Variants in CACNA1H observed in about 807,000 individuals in gnomAD.
CACNA1H encodes calcium voltage-gated channel subunit alpha1 H, also known as voltage-dependent T-type calcium channel subunit alpha-1H.
CACNA1H carries 149 observed loss-of-function variants against 192.5 expected under a neutral mutation model. The ratio of observed to expected loss-of-function variants is 0.77; its 90% CI spans 0.68 to 0.89. The LOEUF (loss-of-function observed/expected upper bound fraction) is 0.89. Among genes scored for constraint, CACNA1H ranks in the 40% least tolerant of loss-of-function variants. CACNA1H has a pLI of 0.00. For missense variants in CACNA1H, 4,257 were observed against 3,423.5 expected (o/e 1.24, Z -6.08); for synonymous variants, 2,202 against 1,475.2 (o/e 1.49, Z -11.29).
chr16:1,212,378 T>C (rs1314012539), intron 25 of CACNA1H, 133 bp from the exon 26 acceptor site: 2 of 1,047,798 alleles, frequency 1.9e-6, no homozygotes, highest in Non-Finnish European at 2.8e-6. Flanking sequence ...AAGAGGCAGG[T>C]TCCCCACCGA....
At chr16:1,191,080 G>T (rs1350088117) in intron 2 of CACNA1H, among the ~76,000 whole-genome samples, 1 of 126,924 alleles carries the variant, frequency 7.9e-6, no homozygotes, top group Non-Finnish European at 1.6e-5. Flanking sequence ...GGCACACTCG[G>T]GGTCTCTCTG....
At chr16:1,208,851 C>T (rs1969076867) in intron 16 of CACNA1H, among the ~76,000 whole-genome samples, 181 bp from the exon 17 acceptor site, 1 of 152,216 alleles carries the variant, frequency 6.6e-6, no homozygotes, top group African/African-American at 2.4e-5. Flanking sequence ...CCCTGACCCT[C>T]ATGAGCTACG....
chr16:1,163,169 G>A (rs1038746727), intron 2 of CACNA1H, among the ~76,000 whole-genome samples: 1 of 152,246 alleles, frequency 6.6e-6, no homozygotes, highest in Non-Finnish European at 1.5e-5. Flanking sequence ...TGGGTCCGGA[G>A]AGGCGACAGC....
At chr16:1,215,919 G>A (rs1969987606) in intron 30 of CACNA1H, among the ~76,000 whole-genome samples, 1 of 152,110 alleles carries the variant, frequency 6.6e-6, no homozygotes, top group African/African-American at 2.4e-5. Context: ...TGTGGGCACA[G>A]GAATACACCC....
chr16:1,200,152 C>T lies in CACNA1H; in HGVS notation c.804-104C>T, dbSNP rs575429135. On this transcript the variant is annotated intron_variant, in intron 6 of 34. Coordinates refer to ENST00000348261, the MANE Select transcript of CACNA1H (RefSeq NM_021098.3). Reference sequence around the variant, plus strand: ...TTAGTCCACTGGCCCTGACCCTGATCACGTCCCTGACCTTGATCACGTCCC... The same window carrying T: ...TTAGTCCACTGGCCCTGACCCTGATTACGTCCCTGACCTTGATCACGTCCC... 7 of 912,464 alleles carry T rather than the reference C, an allele frequency of 7.7e-6. No homozygotes were observed. In the Admixed American group the frequency reaches 8.9e-5, roughly 12 times the overall value. 56.5% of individuals were successfully genotyped at this position (912,464 alleles called of 1,614,324 possible).
At chr16:1,172,285 A>G (rs915739031) in intron 2 of CACNA1H, among the ~76,000 whole-genome samples, 18 of 152,072 alleles carry the variant, frequency 1.2e-4, no homozygotes, top group Non-Finnish European at 2.4e-4. Flanking sequence ...ACAGTGCATC[A>G]CCGCAGCCTT....
At chr16:1,200,669 G>C (rs752699192) in intron 7 of CACNA1H, 47 bp from the exon 8 acceptor site, 2 of 1,577,336 alleles carry the variant, frequency 1.3e-6, no homozygotes, top group East Asian at 4.6e-5. Context: ...GCACGGGGAG[G>C]AGGAGGAGGG....
Position 1,221,700 on chromosome 16 carries a change from G to T in CACNA1H, c.*706G>T. The T allele has an allele frequency of 2.4e-6, 3 of 1,276,586 alleles. No homozygotes were observed. Among genetic ancestry groups the T allele is most frequent in the South Asian group, 3.1e-5 (2 of 65,210 alleles). 79.1% of individuals were successfully genotyped at this position (1,276,586 alleles called of 1,614,324 possible). ...AGGTTAAATGTTGCAATAATCTGAT[G>T]CAGAAGACTCAGCTTCTCAAGGGAG... On this transcript the variant is annotated 3_prime_UTR_variant, in exon 35 of 35. Coordinates refer to ENST00000348261, the MANE Select transcript of CACNA1H (RefSeq NM_021098.3).
chr16:1,205,158 C>G lies in CACNA1H; in HGVS notation c.2496C>G (p.Phe832Leu), dbSNP rs759794879. Residue 832 changes from phenylalanine (F) to leucine (L), a missense_variant, in exon 11 of 35, where the codon TTC becomes TTG. Phe to Leu is a conservative substitution (Grantham distance 22). Coordinates refer to ENST00000348261, the MANE Select transcript of CACNA1H (RefSeq NM_021098.3). ...CTCTGGAGATCAGCAACATCGTGTT[C>G]ACCAGCATGTTTGCCCTGGAGATGC... ...TNALEISNIV[F>L]TSMFALEMLL... 1 of 1,613,010 alleles carries G rather than the reference C, an allele frequency of 6.2e-7. No individual in the cohort carries two copies. The highest frequency in any genetic ancestry group is 8.5e-7 in the Non-Finnish European group (1 of 1,179,794).
chr16:1,212,252 G>A lies in CACNA1H; in HGVS notation c.4759+114G>A, dbSNP rs1969539103. 14 of 1,409,574 alleles carry A rather than the reference G, an allele frequency of 9.9e-6. No individual in the cohort carries two copies. In the South Asian group the frequency reaches 1.4e-4, roughly 14 times the overall value. The allele number at this position is 1,409,574 out of a possible 1,614,324, so 87.3% of individuals were successfully genotyped here. ...CCCCGAATGGCTCTGCACGCCACCC[G>A]CCTTGCCTGGGCCTGCATGGGGGCT... On this transcript the variant is annotated intron_variant, in intron 25 of 34. Coordinates refer to ENST00000348261, the MANE Select transcript of CACNA1H (RefSeq NM_021098.3).
rs752605118 is a variant in CACNA1H at position 1,213,891 on chromosome 16, A to G, written c.4889A>G (p.Asn1630Ser). Residue 1630 changes from asparagine to serine, a missense_variant, in exon 27 of 35, where the codon AAC (asparagine) becomes AGC (serine). By Grantham distance (46) the Asn-to-Ser change is conservative. Transcript: ENST00000348261. ...TTCATCACCTTCATCATCTGTGTCA[A>G]CGTCATCACCATGTCCATGGAGCAC... ...DLFITFIICVNVITMSMEHYN... is the reference protein window; with the variant it reads ...DLFITFIICVSVITMSMEHYN... The G allele has an allele frequency of 2.5e-6, 4 of 1,612,024 alleles. No homozygotes were observed. In the Admixed American group the frequency reaches 5.0e-5, roughly 20 times the overall value.
chr16:1,198,441 C>A (rs567845603), intron 5 of CACNA1H, among the ~76,000 whole-genome samples, 174 bp from the exon 6 acceptor site: 1 of 152,026 alleles, frequency 6.6e-6, no homozygotes, highest in Non-Finnish European at 1.5e-5. Flanking sequence ...AGGGGAGTCC[C>A]GATCACACTA....
chr16:1,158,735 G>T (rs1189851613), intron 2 of CACNA1H, among the ~76,000 whole-genome samples: 1 of 152,160 alleles, frequency 6.6e-6, no homozygotes, highest in Non-Finnish European at 1.5e-5. Flanking sequence ...ATGTGACCTT[G>T]GTGCTCTTGG....
chr16:1,210,235 C>A (rs1246861949), intron 18 of CACNA1H, 100 bp downstream of exon 18: 3 of 1,262,308 alleles, frequency 2.4e-6, no homozygotes, highest in African/African-American at 1.5e-5. Flanking sequence ...GTGGATATTT[C>A]CGAGTGGGCA....
At chr16:1,189,780 G>A (rs548650381) in intron 2 of CACNA1H, among the ~76,000 whole-genome samples, 2 of 152,200 alleles carry the variant, frequency 1.3e-5, no homozygotes, top group South Asian at 4.1e-4. Context: ...TGTGCCTGAG[G>A]AGTATTTCAA....
intron 21 of CACNA1H, 93 bp downstream of exon 21, chr16:1,211,064 G>A (rs111698878): frequency 2.5e-5 from 39 of 1,554,094 alleles, no homozygotes; most frequent in African/African-American, 1.5e-4. Flanking sequence ...TGGGCTGTTC[G>A]CAGGCCGCCC....
intron 9 of CACNA1H, among the ~76,000 whole-genome samples, 163 bp downstream of exon 9, chr16:1,202,615 A>G (rs1310918572): frequency 6.6e-6 from 1 of 152,106 alleles, no homozygotes; most frequent in African/African-American, 2.4e-5. Context: ...AGAAGGGGAA[A>G]GAGGCAGGTC....
At chr16:1,207,565 G>A (rs1968888981) in intron 14 of CACNA1H, 135 bp downstream of exon 14, 1 of 1,107,612 alleles carries the variant, frequency 9.0e-7, no homozygotes, top group African/African-American at 1.5e-5. Flanking sequence ...CATGAGGAGA[G>A]GGGAGGCCAG....
rs1963965572 is a variant in CACNA1H at position 1,167,954 on chromosome 16, CG to C, written c.299+13922del. On this transcript the variant is annotated intron_variant, in intron 2 of 34. Transcript: ENST00000348261. The surrounding 1 kb of genome is among the most constrained non-coding windows in gnomAD (Gnocchi z 4.2). ...GGCCTCAGGAGCCAGGCCTGTTCCC[CG>C]GGGCTGCCTGGAGGCGGCCGCTTGT... Among the ~76,000 whole-genome samples, 1 of 152,224 alleles carries C rather than the reference CG, an allele frequency of 6.6e-6. No homozygotes were observed. Among genetic ancestry groups the C allele is most frequent in the African/African-American group, 2.4e-5 (1 of 41,454 alleles).
Sources: allele counts gnomAD v4.1 joint callset (sites outside exome capture counted in the v4.1 genomes callset), GRCh38; gene constraint gnomAD v4.1.1; non-coding constraint Gnocchi (gnomAD v3.1); transcripts MANE v1.5; gene names NCBI Gene and HGNC (gene_info 2026-07-23, HGNC 2026-07-21).